NUBPL: variants seen among roughly 807,000 people sequenced by gnomAD.
The protein encoded by NUBPL is NUBP iron-sulfur cluster assembly factor, mitochondrial.
NUBPL carries 31 observed loss-of-function variants against 45.7 expected under a neutral mutation model. That is an observed-to-expected ratio of 0.68 (90% CI 0.51 to 0.92). The LOEUF (loss-of-function observed/expected upper bound fraction) is 0.92. Ranked by LOEUF, NUBPL falls within the 40% of genes least tolerant of loss-of-function variation. NUBPL has a pLI of 0.00. For missense variants in NUBPL, 401 were observed against 398.7 expected (o/e 1.01, Z -0.05); for synonymous variants, 144 against 140.9 (o/e 1.02, Z -0.15).
At chr14:31,647,378 C>CT (rs1450375010) in intron 4 of NUBPL, among the ~76,000 whole-genome samples, 7 of 152,046 alleles carry the variant, frequency 4.6e-5, no homozygotes, top group Non-Finnish European at 8.8e-5. Flanking sequence ...TTTTGAATTT[C>CT]TTTTTTTTCT....
At chr14:31,679,634 G>A (rs1262675047) in intron 6 of NUBPL, among the ~76,000 whole-genome samples, 1 of 152,034 alleles carries the variant, frequency 6.6e-6, no homozygotes, top group African/African-American at 2.4e-5. Context: ...AATCCTTACT[G>A]TAAAACCACA....
At chr14:31,817,551 A>G (rs1240827187) in intron 7 of NUBPL, among the ~76,000 whole-genome samples, 3 of 152,216 alleles carry the variant, frequency 2.0e-5, no homozygotes, top group Non-Finnish European at 4.4e-5. Flanking sequence ...GGAATTTTCA[A>G]CCCAGAATTT....
At chr14:31,642,702 A>G (rs1485763908) in intron 4 of NUBPL, among the ~76,000 whole-genome samples, 2 of 151,842 alleles carry the variant, frequency 1.3e-5, no homozygotes, top group Non-Finnish European at 2.9e-5. Context: ...TTTTTGGATT[A>G]TTATTGCTAT....
At chr14:31,765,372 A>G (rs573403055) in intron 6 of NUBPL, among the ~76,000 whole-genome samples, 1 of 152,348 alleles carries the variant, frequency 6.6e-6, no homozygotes, top group Non-Finnish European at 1.5e-5. Context: ...CAAATGTACA[A>G]ATATGTTCTT....
chr14:31,729,182 G>A (rs1020246635), intron 6 of NUBPL, among the ~76,000 whole-genome samples: 14 of 151,850 alleles, frequency 9.2e-5, no homozygotes, highest in African/African-American at 3.1e-4. Context: ...GGGAGGCTGA[G>A]GCAAGAGAAT....
At chr14:31,803,660 A>G (rs1164087912) in intron 7 of NUBPL, among the ~76,000 whole-genome samples, 1 of 152,202 alleles carries the variant, frequency 6.6e-6, no homozygotes, top group African/African-American at 2.4e-5. Flanking sequence ...TGTAATTAAT[A>G]GATACTTGGC....
At chr14:31,743,858 A>G (rs544596110) in intron 6 of NUBPL, among the ~76,000 whole-genome samples, 1 of 152,300 alleles carries the variant, frequency 6.6e-6, no homozygotes, top group East Asian at 1.9e-4. Flanking sequence ...GTATTCTGGA[A>G]AATAGAAAAT....
Position 31,839,448 on chromosome 14 carries a change from T to C in NUBPL, c.694-7023T>C, listed in dbSNP as rs113065280. ...GAAATTAGACCCTTATTTCACACCA[T>C]ATATAAAAATCAACCCAAAATGAAG... On this transcript the variant is annotated intron_variant, in intron 8 of 10. Transcript: ENST00000281081. Among the ~76,000 whole-genome samples, 1,048 of 152,264 alleles carry C rather than the reference T, an allele frequency of 6.9e-3. 13 individuals are homozygous for C. The highest frequency in any genetic ancestry group is 0.024 in the African/African-American group (986 of 41,554).
At chr14:31,715,200 T>C (rs1211403345) in intron 6 of NUBPL, among the ~76,000 whole-genome samples, 1 of 152,214 alleles carries the variant, frequency 6.6e-6, no homozygotes, top group Non-Finnish European at 1.5e-5. Context: ...AATACTACAT[T>C]CTCTTGTGGC....
At chr14:31,626,428 C>T (rs1595388543) in intron 4 of NUBPL, among the ~76,000 whole-genome samples, 1 of 152,264 alleles carries the variant, frequency 6.6e-6, no homozygotes, top group Non-Finnish European at 1.5e-5. Context: ...GCATGAGCCA[C>T]CGCACCTGGC....
At chr14:31,849,419 G>C (rs964488885) in intron 9 of NUBPL, among the ~76,000 whole-genome samples, 1 of 151,848 alleles carries the variant, frequency 6.6e-6, no homozygotes, top group Non-Finnish European at 1.5e-5. Flanking sequence ...TTGGATGAGG[G>C]GTCAGAATTT....
intron 9 of NUBPL, among the ~76,000 whole-genome samples, chr14:31,847,281 A>G (rs2040468510): frequency 6.6e-6 from 1 of 152,230 alleles, no homozygotes; most frequent in Admixed American, 6.5e-5. Flanking sequence ...AAAAACCTCT[A>G]AAAGTGTTCG....
Position 31,698,054 on chromosome 14 carries a change from T to G in NUBPL, c.513+24480T>G, listed in dbSNP as rs114888878. On this transcript the variant is annotated intron_variant, in intron 6 of 10. Coordinates refer to ENST00000281081, the MANE Select transcript of NUBPL (RefSeq NM_025152.3). ...AGTACTGGAGATTATGACCTCTTTTTACTATTTAGGTATATACTGTATTTC... is the reference window on the plus strand; with the variant it reads ...AGTACTGGAGATTATGACCTCTTTTGACTATTTAGGTATATACTGTATTTC... Among the ~76,000 whole-genome samples the G allele has an allele frequency of 8.3e-3, 1,271 of 152,314 alleles. 20 individuals carry two copies. Among genetic ancestry groups the G allele is most frequent in the African/African-American group, 0.029 (1,195 of 41,562 alleles).
At chr14:31,674,781 A>G (rs762971962) in intron 6 of NUBPL, among the ~76,000 whole-genome samples, 1 of 152,194 alleles carries the variant, frequency 6.6e-6, no homozygotes, top group Non-Finnish European at 1.5e-5. Flanking sequence ...TTGGTAGTCT[A>G]GCAGAGGTCC....
At chr14:31,757,389 G>C (rs1051165218) in intron 6 of NUBPL, among the ~76,000 whole-genome samples, 1 of 151,506 alleles carries the variant, frequency 6.6e-6, no homozygotes, top group Non-Finnish European at 1.5e-5. Flanking sequence ...GCCTGTTATT[G>C]GTCTATTCAG....
chr14:31,612,667 AAAAAGAAAAG>A (rs200066068), intron 4 of NUBPL, among the ~76,000 whole-genome samples: 2 of 152,052 alleles, frequency 1.3e-5, no homozygotes, highest in Non-Finnish European at 2.9e-5. Context: ...CTCAGAAAAA[AAAAAGAAAAG>A]AAAAGAAAAG....
intron 3 of NUBPL, among the ~76,000 whole-genome samples, chr14:31,576,698 C>T (rs771334313): frequency 3.9e-5 from 6 of 152,224 alleles, no homozygotes; most frequent in South Asian, 2.1e-4. Context: ...TCTTCTAAAT[C>T]GTTCCCACTT....
At chr14:31,561,926 G>C in intron 1 of NUBPL, 142 bp from the exon 2 acceptor site, 1 of 786,354 alleles carries the variant, frequency 1.3e-6, no homozygotes, top group South Asian at 1.7e-5. Context: ...GTAGTAGTAG[G>C]TAAATGTCTC....
chr14:31,719,302 C>G (rs2037756744), intron 6 of NUBPL, among the ~76,000 whole-genome samples: 1 of 152,034 alleles, frequency 6.6e-6, no homozygotes, highest in African/African-American at 2.4e-5. Context: ...GCTTTCATAC[C>G]ATCGTAAAGC....
Sources: gnomAD v4.1 joint callset for allele counts (sites outside exome capture counted in the v4.1 genomes callset) on GRCh38, gnomAD v4.1.1 for gene constraint, MANE v1.5 for transcripts, NCBI Gene and HGNC (gene_info 2026-07-23, HGNC 2026-07-21) for gene names.